The following ADCY3 variants were observed in gnomAD, a reference collection of about 807,000 sequenced individuals.
ADCY3 encodes adenylate cyclase type 3.
In ADCY3, 70 loss-of-function variants were observed where a neutral mutation model predicts 119.4. The observed-to-expected ratio is 0.59, with a 90% CI of 0.48 to 0.72. ADCY3 has a LOEUF of 0.72. Ranked by LOEUF, ADCY3 falls within the 30% of genes least tolerant of loss-of-function variation. The probability of loss-of-function intolerance (pLI) is 0.00; values close to 1 mark genes in which losing one functional copy is unlikely to be tolerated. For synonymous variants in ADCY3, 672 were observed against 621.4 expected, an observed-to-expected ratio of 1.08 and a Z score of -1.21; for missense variants, 1,238 against 1,541.6, an observed-to-expected ratio of 0.80 and a Z score of 3.30.
In ADCY3 at chr2:24,828,178, C is replaced by G. The variant is rs142601620; in HGVS notation, c.2173-17G>C. 1 of 1,611,048 alleles carries G rather than the reference C, an allele frequency of 6.2e-7. No individual in the cohort carries two copies. The highest frequency in any genetic ancestry group is 1.1e-5 in the South Asian group (1 of 91,004). On this transcript the variant is annotated splice_polypyrimidine_tract_variant and intron_variant, in intron 13 of 21. Transcript: ENST00000679454. ...ACAGCTGAGCTGGAGGCCAGGACGG[C>G]GGGCAGGGACACACGTTCAAGAGAA...
At chr2:24,826,247 CT>C in intron 15 of ADCY3, 121 bp from the exon 16 acceptor site, 1 of 821,688 alleles carries the variant, frequency 1.2e-6, no homozygotes, top group Non-Finnish European at 1.9e-6. Flanking sequence ...ACCCCGGCTC[CT>C]TAGGCCCTTT....
At chr2:24,885,870 G>C (rs1216145884) in intron 2 of ADCY3, among the ~76,000 whole-genome samples, 1 of 152,190 alleles carries the variant, frequency 6.6e-6, no homozygotes, top group East Asian at 1.9e-4. Flanking sequence ...GCTGCCTGAG[G>C]TAAACCATCT....
chr2:24,829,644 G>C lies in ADCY3; in HGVS notation c.2172+1065C>G, dbSNP rs576630845. 4.7e-3 allele frequency among the ~76,000 whole-genome samples: 708 copies of C among 150,842 alleles called. 8 individuals carry two copies. The highest frequency in any genetic ancestry group is 0.015 in the African/African-American group (619 of 40,980). Reference sequence around the variant, plus strand: ...CAACTGTGTTAGCCAGGATGATTTCGATCTCCTGACCTCGTGATCCGCCCG... The same window carrying C: ...CAACTGTGTTAGCCAGGATGATTTCCATCTCCTGACCTCGTGATCCGCCCG... On this transcript the variant is annotated intron_variant, in intron 13 of 21. Transcript: ENST00000679454.
intron 3 of ADCY3, among the ~76,000 whole-genome samples, chr2:24,850,871 C>T (rs1432537932): frequency 6.6e-6 from 1 of 152,034 alleles, no homozygotes; most frequent in Non-Finnish European, 1.5e-5. Flanking sequence ...GAGAGAAGAG[C>T]GGGACAAAAT....
intron 2 of ADCY3, among the ~76,000 whole-genome samples, chr2:24,911,407 T>G (rs1251002975): frequency 6.6e-6 from 1 of 150,508 alleles, no homozygotes; most frequent in African/African-American, 2.4e-5. Context: ...AGCACTTTGG[T>G]AGGCCGAGGC....
chr2:24,820,129 G>T lies in ADCY3; in HGVS notation c.3253-15C>A. The T allele has an allele frequency of 6.5e-7, 1 of 1,532,160 alleles. No homozygotes were observed. The highest frequency in any genetic ancestry group is 8.8e-7 in the Non-Finnish European group (1 of 1,139,846). The allele number at this position is 1,532,160 out of a possible 1,614,324, so 94.9% of individuals were successfully genotyped here. On this transcript the variant is annotated splice_polypyrimidine_tract_variant and intron_variant, in intron 21 of 21. Transcript: ENST00000679454. ...TCTTCTACCACCTGGAGAGGGAGGG[G>T]GAGCAAGAACGTGGCGTTACGGGGG...
intron 3 of ADCY3, among the ~76,000 whole-genome samples, chr2:24,867,875 T>TA (rs1204282348): frequency 6.6e-6 from 1 of 152,200 alleles, no homozygotes; most frequent in African/African-American, 2.4e-5. Context: ...CACATTATAC[T>TA]AATAAGCAGA....
At chr2:24,874,263 C>T (rs1442525697) in intron 2 of ADCY3, among the ~76,000 whole-genome samples, 1 of 152,104 alleles carries the variant, frequency 6.6e-6, no homozygotes, top group Non-Finnish European at 1.5e-5. Flanking sequence ...GTGTAGATTC[C>T]CAAGCTCTGC....
chr2:24,820,251 G>T, intron 21 of ADCY3, 137 bp from the exon 22 acceptor site: 1 of 1,205,082 alleles, frequency 8.3e-7, no homozygotes, highest in Non-Finnish European at 1.1e-6. Context: ...AAACCTCCCA[G>T]GGCCAAGCCC....
chr2:24,885,602 T>G (rs1234005948), intron 2 of ADCY3, among the ~76,000 whole-genome samples: 1 of 152,176 alleles, frequency 6.6e-6, no homozygotes, highest in Non-Finnish European at 1.5e-5. Context: ...GGTCTCCTTT[T>G]TCCTCACTCT....
chr2:24,917,222 T>A (rs1664565727), intron 2 of ADCY3, among the ~76,000 whole-genome samples: 1 of 152,150 alleles, frequency 6.6e-6, no homozygotes, highest in Admixed American at 6.5e-5. Context: ...TCAGCAAGGA[T>A]TCTGGGCACG....
intron 3 of ADCY3, among the ~76,000 whole-genome samples, chr2:24,864,363 T>C (rs1240414535): frequency 1.3e-5 from 2 of 152,170 alleles, no homozygotes; most frequent in Admixed American, 1.3e-4. Flanking sequence ...CCATATGACC[T>C]GGCAATTCCA....
intron 8 of ADCY3, among the ~76,000 whole-genome samples, chr2:24,838,143 T>C (rs908970200): frequency 6.7e-6 from 1 of 148,216 alleles, no homozygotes; most frequent in Non-Finnish European, 1.5e-5. Context: ...CAGGAGACCC[T>C]GAGCCCCAAC....
chr2:24,871,929 T>C (rs958617355), intron 3 of ADCY3, among the ~76,000 whole-genome samples: 7 of 152,228 alleles, frequency 4.6e-5, no homozygotes, highest in Non-Finnish European at 1.0e-4. Flanking sequence ...GAGGCCTCTC[T>C]CCAGATGGAG....
chr2:24,824,564 TGCTCTAA>T, intron 16 of ADCY3, 28 bp from the exon 17 acceptor site: 1 of 1,609,930 alleles, frequency 6.2e-7, no homozygotes. Context: ...GCGAGGCATG[TGCTCTAA>T]GCTGGCCACT....
At chr2:24,871,617 TG>T (rs1453532085) in intron 3 of ADCY3, among the ~76,000 whole-genome samples, 1 of 152,064 alleles carries the variant, frequency 6.6e-6, no homozygotes, top group Non-Finnish European at 1.5e-5. Flanking sequence ...TCCACCCGAG[TG>T]GCAGCATCTA....
At chr2:24,865,489 CTGTGTGTG>C (rs3222240) in intron 3 of ADCY3, among the ~76,000 whole-genome samples, 7,805 of 140,422 alleles carry the variant, frequency 0.056, 505 homozygotes, top group African/African-American at 0.15. Context: ...AGGCTATCAT[CTGTGTGTG>C]TGTGTGTGTG....
intron 2 of ADCY3, among the ~76,000 whole-genome samples, chr2:24,908,892 G>C (rs556757173): frequency 1.3e-4 from 19 of 151,994 alleles, no homozygotes; most frequent in African/African-American, 4.6e-4. Context: ...CATGCTGAGG[G>C]CCCCCCCGAC....
intron 3 of ADCY3, among the ~76,000 whole-genome samples, chr2:24,867,092 C>A (rs1051634217): frequency 2.0e-5 from 3 of 152,156 alleles, no homozygotes; most frequent in African/African-American, 7.2e-5. Flanking sequence ...AGCAGAGCAA[C>A]TGCAAAGAAA....
Sources: gnomAD v4.1 joint callset for allele counts (sites outside exome capture counted in the v4.1 genomes callset) on GRCh38, gnomAD v4.1.1 for gene constraint, MANE v1.5 for transcripts, NCBI Gene and HGNC (gene_info 2026-07-23, HGNC 2026-07-21) for gene names.